GKN1: variants seen among roughly 807,000 people sequenced by gnomAD.
The protein encoded by GKN1 is gastrokine-1.
In GKN1, 17 loss-of-function variants were observed where a neutral mutation model predicts 19.7. The observed-to-expected ratio is 0.86, with a 90% CI of 0.59 to 1.29. The LOEUF is 1.29. Ranked by LOEUF, GKN1 falls within the 50% of genes most tolerant of loss-of-function variation. The pLI, the probability that GKN1 is intolerant of heterozygous loss-of-function variation, is 0.00. For missense variants in GKN1, 218 were observed against 224.5 expected (o/e 0.97, Z 0.19); for synonymous variants, 96 against 78.3 (o/e 1.23, Z -1.20).
rs138889300 is a variant in GKN1, at chr2:68,974,956, G to A, written c.12+267G>A. On this transcript the variant is annotated intron_variant, in intron 1 of 5. Coordinates refer to ENST00000377938, the MANE Select transcript of GKN1 (RefSeq NM_019617.4). The stretch of plus-strand genomic sequence containing the variant: ...ATATACCTATGTAACAAACCTGCAC[G>A]TTCTGCACATGTATCCCTTTTTTTT... Among the ~76,000 whole-genome samples, 1,422 of 151,992 alleles carry A rather than the reference G, an allele frequency of 9.4e-3. 22 individuals are homozygous for A. Among genetic ancestry groups the A allele is most frequent in the African/African-American group, 0.032 (1,327 of 41,466 alleles).
chr2:68,975,460 AC>A (rs1188823767), intron 1 of GKN1, among the ~76,000 whole-genome samples: 1 of 152,102 alleles, frequency 6.6e-6, no homozygotes, highest in Non-Finnish European at 1.5e-5. Flanking sequence ...GGACCGAGAA[AC>A]CCTGCCAAAG....
chr2:68,978,059 G>A (rs548320201), intron 3 of GKN1: 48 of 384,052 alleles, frequency 1.2e-4, no homozygotes, highest in Non-Finnish European at 2.2e-4. Context: ...CTTGCCTGCA[G>A]ATACCCTCAA....
chr2:68,979,433 A>T (rs1330250068), intron 4 of GKN1, among the ~76,000 whole-genome samples: 4 of 152,242 alleles, frequency 2.6e-5, no homozygotes, highest in Admixed American at 2.6e-4. Context: ...TGAAATTCAA[A>T]TGTAACTGGG....
intron 1 of GKN1, among the ~76,000 whole-genome samples, chr2:68,975,923 A>G (rs1670257047): frequency 6.6e-6 from 1 of 152,142 alleles, no homozygotes; most frequent in South Asian, 2.1e-4. Flanking sequence ...TCTCAAAACT[A>G]TTTTGTCCCA....
Position 68,980,067 on chromosome 2 carries a change from A to G in GKN1, c.463+7A>G. On this transcript the variant is annotated splice_region_variant and intron_variant, in intron 5 of 5. Transcript: ENST00000377938. ...ATGGCTGAGGAGATGCAAGGTGAGT[A>G]GCATCCCTACTGTGCACCCCAAGTT... The G allele has an allele frequency of 6.2e-7, 1 of 1,610,818 alleles. No individual in the cohort carries two copies. Among genetic ancestry groups the G allele is most frequent in the Admixed American group, 1.7e-5 (1 of 60,012 alleles).
At chr2:68,977,615 C>A (rs1335476012) in intron 2 of GKN1, 22 bp from the exon 3 acceptor site, 1 of 1,606,092 alleles carries the variant, frequency 6.2e-7, no homozygotes, top group Non-Finnish European at 8.5e-7. Flanking sequence ...TTAAATCACT[C>A]TCAATCTCTT....
intron 1 of GKN1, among the ~76,000 whole-genome samples, chr2:68,975,121 G>C (rs1309138045): frequency 1.3e-5 from 2 of 152,106 alleles, no homozygotes; most frequent in Non-Finnish European, 2.9e-5. Flanking sequence ...TTAACAAAAT[G>C]ACTTTCCGCA....
Position 68,977,495 on chromosome 2 carries a change from A to G in GKN1, c.13A>G (p.Ile5Val). Residue 5 changes from isoleucine to valine, a missense_variant and splice_region_variant, in exon 2 of 6, where the codon ATT becomes GTT. By Grantham distance (29) the Ile-to-Val change is conservative. Coordinates refer to ENST00000377938, the MANE Select transcript of GKN1 (RefSeq NM_019617.4). MKFT[I>V]VFAGLLGVFL... The stretch of plus-strand genomic sequence containing the variant: ...AGACCAATGTTATTTGTGATTTCAG[A>G]TTGTCTTTGCTGGACTTCTTGGAGT... The G allele has an allele frequency of 6.2e-7, 1 of 1,601,202 alleles. No homozygotes were observed. Among genetic ancestry groups the G allele is most frequent in the South Asian group, 1.1e-5 (1 of 90,726 alleles).
At chr2:68,974,865 G>T (rs189675003) in intron 1 of GKN1, among the ~76,000 whole-genome samples, 176 bp downstream of exon 1, 1 of 152,238 alleles carries the variant, frequency 6.6e-6, no homozygotes, top group Admixed American at 6.5e-5. Context: ...CCTGTTGGGG[G>T]GTGGAGAGTG....
At chr2:68,978,294 A>AAGAAAGAAAGAAAGAAAGAGAGAG (rs766730731) in intron 3 of GKN1, among the ~76,000 whole-genome samples, 2 of 121,668 alleles carry the variant, frequency 1.6e-5, no homozygotes, top group East Asian at 7.0e-4. Context: ...GAAAGAAAGA[A>AAGAAAGAAAGAAAGAAAGAGAGAG]AGAGAGAGAA....
At chr2:68,978,306 G>GACGAAAGAAAGAAAGAAAGAGAGAA (rs1670306351) in intron 3 of GKN1, among the ~76,000 whole-genome samples, 7 of 127,764 alleles carry the variant, frequency 5.5e-5, no homozygotes, top group African/African-American at 2.5e-4. Flanking sequence ...GAGAGAGAAA[G>GACGAAAGAAAGAAAGAAAGAGAGAA]AAAGAAAAAG....
rs538262632 is a variant in GKN1, at chr2:68,980,086, C to G, written c.463+26C>G. 3.1e-6 allele frequency: 5 copies of G among 1,603,054 alleles called. No homozygotes were observed. The African/African-American group carries it at 6.7e-5, about 21-fold the overall frequency. ...GTGAGTAGCATCCCTACTGTGCACC[C>G]CAAGTTAGTGCTGGTGGGATTGTCA... On this transcript the variant is annotated intron_variant, in intron 5 of 5. Transcript: ENST00000377938.
rs760528900 is a variant in GKN1 at position 68,980,813 on chromosome 2, T to C, written c.548T>C (p.Val183Ala). The change falls in exon 6 of 6, where the codon GTG becomes GCG. Residue 183 changes from valine (V) to alanine (A), a missense_variant. By Grantham distance (64) the Val-to-Ala change is moderately conservative (BLOSUM62 0). Transcript: ENST00000377938. ...GACATTTCCTTCTGTGGAGACACGG[T>C]GGAGAACTAAACAATTTTTTAAAGC... is the stretch of plus-strand genomic sequence containing the variant. ...IVDISFCGDT[V>A]EN 1.3e-6 allele frequency: 2 copies of C among 1,528,306 alleles called. No homozygotes were observed. The highest frequency in any genetic ancestry group is 1.1e-5 in the South Asian group (1 of 89,334). The allele number at this position is 1,528,306 out of a possible 1,614,324, so 94.7% of individuals were successfully genotyped here. A position where few individuals can be genotyped will look rare whatever the true frequency, so the allele number is the denominator to read the frequency against.
chr2:68,980,695 C>T (rs1323826177), intron 5 of GKN1, 34 bp from the exon 6 acceptor site: 1 of 1,075,016 alleles, frequency 9.3e-7, no homozygotes. Context: ...CTTAAATAGA[C>T]ATTAATATAG....
Position 68,978,872 on chromosome 2 carries a change from G to A in GKN1, c.206G>A (p.Gly69Asp), listed in dbSNP as rs1365631530. 1 of 1,585,134 alleles carries A rather than the reference G, an allele frequency of 6.3e-7. No homozygotes were observed. The highest frequency in any genetic ancestry group is 8.7e-7 in the Non-Finnish European group (1 of 1,155,306). The change falls in exon 4 of 6, where the codon GGC becomes GAC. Residue 69 changes from glycine to aspartate, a missense_variant and splice_region_variant. Gly to Asp is a moderately conservative substitution (Grantham distance 94). Coordinates refer to ENST00000377938, the MANE Select transcript of GKN1 (RefSeq NM_019617.4). ...SWNSIWDYGN[G>D]FAATRLFQKK... ...ACTATTTGCCATCTACTTTAACAGG[G>A]CTTTGCTGCAACCAGACTCTTTCAA...
intron 4 of GKN1, among the ~76,000 whole-genome samples, chr2:68,979,373 A>G (rs1670324377): frequency 6.6e-6 from 1 of 152,204 alleles, no homozygotes; most frequent in Non-Finnish European, 1.5e-5. Flanking sequence ...TTAGTATAAT[A>G]TATCCTATGC....
Position 68,977,475 on chromosome 2 carries a change from A to G in GKN1, c.13-20A>G, listed in dbSNP as rs955254444. 2 of 1,558,878 alleles carry G rather than the reference A, an allele frequency of 1.3e-6. No individual in the cohort carries two copies. The highest frequency in any genetic ancestry group is 1.8e-6 in the Non-Finnish European group (2 of 1,131,244). On this transcript the variant is annotated intron_variant, in intron 1 of 5. Coordinates refer to ENST00000377938, the MANE Select transcript of GKN1 (RefSeq NM_019617.4). ...TCATTTTGCCATGTAACAGGAGACCAATGTTATTTGTGATTTCAGATTGTC... is the reference window on the plus strand; with the variant it reads ...TCATTTTGCCATGTAACAGGAGACCGATGTTATTTGTGATTTCAGATTGTC...
At chr2:68,977,576 C>T (rs1670282410) in intron 2 of GKN1, 28 bp downstream of exon 2, 1 of 1,604,926 alleles carries the variant, frequency 6.2e-7, no homozygotes, top group Non-Finnish European at 8.5e-7. Context: ...AAGTTTGCTA[C>T]CAAAATGCAT....
chr2:68,978,273 A>AAGG (rs1670300799), intron 3 of GKN1, among the ~76,000 whole-genome samples: 3 of 129,692 alleles, frequency 2.3e-5, no homozygotes, highest in African/African-American at 1.0e-4. Flanking sequence ...GGAAGGAAGG[A>AAGG]AAGAAAGAAA....
Sources: allele counts gnomAD v4.1 joint callset (sites outside exome capture counted in the v4.1 genomes callset), GRCh38; gene constraint gnomAD v4.1.1; transcripts MANE v1.5; gene names NCBI Gene and HGNC (gene_info 2026-07-23, HGNC 2026-07-21).